MOGS: variants seen among roughly 807,000 people sequenced by gnomAD.
The protein encoded by MOGS is mannosyl-oligosaccharide glucosidase.
A neutral mutation model predicts 68.5 loss-of-function variants in MOGS; 45 were observed. The ratio of observed to expected loss-of-function variants is 0.66; its 90% CI spans 0.52 to 0.84. The LOEUF (loss-of-function observed/expected upper bound fraction) is 0.84, where lower values mean the gene tolerates loss of function less well. Among genes scored for constraint, MOGS ranks in the 40% least tolerant of loss-of-function variants. The probability of loss-of-function intolerance (pLI) is 0.00; values close to 1 mark genes in which losing one functional copy is unlikely to be tolerated. For synonymous variants in MOGS, 492 were observed against 461.2 expected (o/e 1.07, Z -0.86); for missense variants, 1,020 against 1,095.0 (o/e 0.93, Z 0.97).
chr2:74,462,600 C>A lies in MOGS; in HGVS notation c.1189G>T (p.Gly397Cys). The A allele has an allele frequency of 6.2e-7, 1 of 1,614,142 alleles. No individual in the cohort carries two copies. The highest frequency in any genetic ancestry group is 1.7e-5 in the Admixed American group (1 of 60,018). The change falls in exon 4 of 4, where the codon GGC becomes TGC. Residue 397 changes from glycine (G) to cysteine (C), a missense_variant. This residue lies in a region of MOGS where 569 missense variants were observed against 571.9 expected (regional missense o/e 0.99). Transcript: ENST00000448666. The part of the protein sequence containing the change: ...EQVLGQAALS[G>C]LLGGIGYFYG... ...AAGTAGCCAATTCCACCAAGGAGGC[C>A]GCTGAGGGCAGCCTGACCCAAAACC...
rs751547604 is a variant in MOGS at position 74,461,609 on chromosome 2, C to T, written c.2180G>A (p.Gly727Asp). ...GCTGGAGGCTGCAAGGGAGCGTAAA[C>T]CAAAGGGGCTCCAGAGATGGCGGCT... ...ADSRHLWSPF[G>D]LRSLAASSSF... is the part of the protein sequence containing the mutation. The change falls in exon 4 of 4, where the codon GGT (glycine) becomes GAT (aspartate). Residue 727 changes from glycine to aspartate, a missense_variant. Around this residue, in one of 3 missense-constraint regions of MOGS, gnomAD observed 270 missense variants for 261.3 expected, o/e 1.03. Transcript: ENST00000448666. 4 of 1,613,866 alleles carry T rather than the reference C, an allele frequency of 2.5e-6. No homozygotes were observed. Among genetic ancestry groups the T allele is most frequent in the Admixed American group, 1.7e-5 (1 of 59,992 alleles).
rs764778419 is a variant in MOGS at position 74,464,999 on chromosome 2, G to C, written c.249C>G (p.Ala83=). Residue 83 remains alanine (A), a synonymous_variant, in exon 1 of 4, where the codon GCC becomes GCG. Transcript: ENST00000448666. Reference sequence around the variant, plus strand: ...GGGCCACGGCGGGGCTGGAGGAGTCGGCAGGCAACACAGGAGGCGCGGAGT... The same window carrying C: ...GGGCCACGGCGGGGCTGGAGGAGTCCGCAGGCAACACAGGAGGCGCGGAGT... The part of the protein sequence containing the change: ...TLHSAPPVLP[A]DSSSPAVAPD... 129 of 1,557,538 alleles carry C rather than the reference G, an allele frequency of 8.3e-5. 3 individuals carry two copies. In the Admixed American group the frequency reaches 2.3e-3, roughly 28 times the overall value.
In MOGS at chr2:74,465,147, C is replaced by T. The variant is rs1672033021; in HGVS notation, c.101G>A (p.Gly34Asp). The change falls in exon 1 of 4, where the codon GGC (glycine) becomes GAC (aspartate). Residue 34 changes from glycine (G) to aspartate (D), a missense_variant. Gly to Asp is a moderately conservative substitution (Grantham distance 94, BLOSUM62 -1). Coordinates refer to ENST00000448666, the MANE Select transcript of MOGS (RefSeq NM_006302.3). Reference sequence around the variant, plus strand: ...TCCAGCCGTGCTACGCGGCCCGCCGCCCCGGCCGTCCCGTCGCCCGGGGCC... The same window carrying T: ...TCCAGCCGTGCTACGCGGCCCGCCGTCCCGGCCGTCCCGTCGCCCGGGGCC... ...RGGPGRRDGRGGGPRSTAGGV... is the reference protein window; with the variant it reads ...RGGPGRRDGRDGGPRSTAGGV... The T allele has an allele frequency of 1.3e-6, 2 of 1,530,942 alleles. No individual in the cohort carries two copies. Among genetic ancestry groups the T allele is most frequent in the Non-Finnish European group, 1.7e-6 (2 of 1,144,686 alleles). 94.8% of individuals were successfully genotyped at this position (1,530,942 alleles called of 1,614,324 possible).
rs1029892555 is a variant in MOGS, at chr2:74,464,621, C to G, written c.454G>C (p.Asp152His). The G allele has an allele frequency of 2.5e-6, 4 of 1,613,896 alleles. No individual in the cohort carries two copies. Among genetic ancestry groups the G allele is most frequent in the Non-Finnish European group, 3.4e-6 (4 of 1,180,030 alleles). ...TGTTGGCGCCCGAAGGAGAGGCCGT[C>G]GTGGAACTCCCAGCCATAGGGACCC... is the stretch of plus-strand genomic sequence containing the variant. ...GVGPYGWEFH[D>H]GLSFGRQHIQ... is the part of the protein sequence containing the mutation. Residue 152 changes from aspartate to histidine, a missense_variant, in exon 2 of 4, where the codon GAC becomes CAC. Coordinates refer to ENST00000448666, the MANE Select transcript of MOGS (RefSeq NM_006302.3).
chr2:74,464,827 T>C, intron 1 of MOGS, 69 bp downstream of exon 1: 1 of 1,563,508 alleles, frequency 6.4e-7, no homozygotes, highest in Non-Finnish European at 8.7e-7. Flanking sequence ...TTCCCACCCT[T>C]GCTCTCGCTT....
chr2:74,462,948 G>T lies in MOGS; in HGVS notation c.841C>A (p.Leu281Ile). The T allele has an allele frequency of 6.2e-7, 1 of 1,614,224 alleles. No homozygotes were observed. The highest frequency in any genetic ancestry group is 8.5e-7 in the Non-Finnish European group (1 of 1,180,044). ...PLLTEMVKSR[L>I]NSWFQHRPPG... ...GGCCGATGCTGAAACCAGCTATTTA[G>T]GCGACTCTTTACCATCTCTGTCAGC... Residue 281 changes from leucine to isoleucine, a missense_variant, in exon 4 of 4, where the codon CTA (leucine) becomes ATA (isoleucine). This residue lies in a region of MOGS where 569 missense variants were observed against 571.9 expected (regional missense o/e 0.99). Coordinates refer to ENST00000448666, the MANE Select transcript of MOGS (RefSeq NM_006302.3).
In MOGS at chr2:74,462,626, T is replaced by G; in HGVS notation, c.1163A>C (p.Gln388Pro). 1.9e-6 allele frequency: 3 copies of G among 1,614,186 alleles called. No homozygotes were observed. Among genetic ancestry groups the G allele is most frequent in the Non-Finnish European group, 2.5e-6 (3 of 1,180,034 alleles). Residue 388 changes from glutamine (Q) to proline (P), a missense_variant, in exon 4 of 4, where the codon CAG (glutamine) becomes CCG (proline). This residue lies in a region of MOGS where 569 missense variants were observed against 571.9 expected (regional missense o/e 0.99). Coordinates refer to ENST00000448666, the MANE Select transcript of MOGS (RefSeq NM_006302.3). ...GCTGAGGGCAGCCTGACCCAAAACC[T>G]GCTCGCCAGAGCTCAGGCCCTTCTC... ...LKEKGLSSGE[Q>P]VLGQAALSGL...
At position 74,461,151 on chromosome 2, in the gene MOGS, C is replaced by A. The variant is rs950719119; in HGVS notation, c.*124G>T. The A allele has an allele frequency of 1.1e-5, 12 of 1,076,382 alleles. No individual in the cohort carries two copies. The African/African-American group carries it at 1.9e-4, about 17-fold the overall frequency. 66.7% of individuals were successfully genotyped at this position (1,076,382 alleles called of 1,614,324 possible). A position where few individuals can be genotyped will look rare whatever the true frequency, so the allele number is the denominator to read the frequency against. On this transcript the variant is annotated 3_prime_UTR_variant, in exon 4 of 4. Transcript: ENST00000448666. The stretch of plus-strand genomic sequence containing the variant: ...ATGTGGGATGACAGCAAGGAGACAC[C>A]TGAGATGAAATGAGGAAGGTTTGAA...
intron 1 of MOGS, 37 bp downstream of exon 1, chr2:74,464,859 G>T: frequency 6.3e-7 from 1 of 1,590,814 alleles, no homozygotes; most frequent in Non-Finnish European, 8.6e-7. Context: ...GCCCAGATTA[G>T]GAGTCCGCCT....
Position 74,464,728 on chromosome 2 carries a change from G to T in MOGS, c.353-6C>A. The T allele has an allele frequency of 6.2e-7, 1 of 1,608,892 alleles. No homozygotes were observed. Among genetic ancestry groups the T allele is most frequent in the East Asian group, 2.2e-5 (1 of 44,752 alleles). On this transcript the variant is annotated splice_polypyrimidine_tract_variant and splice_region_variant and intron_variant, in intron 1 of 3. Transcript: ENST00000448666. ...CTGCTGCGCCCACATCAGTCCTGGG[G>T]GTAGAATGGCCACGTAAGTCAAAGA...
chr2:74,463,080 A>G, intron 3 of MOGS, 68 bp from the exon 4 acceptor site: 1 of 1,611,582 alleles, frequency 6.2e-7, no homozygotes, highest in Admixed American at 1.7e-5. Flanking sequence ...AAAGAGAAAT[A>G]CAAAGTGTTC....
intron 2 of MOGS, 163 bp from the exon 3 acceptor site, chr2:74,463,549 A>C: frequency 1.4e-6 from 1 of 722,334 alleles, no homozygotes; most frequent in South Asian, 1.6e-5. Flanking sequence ...AACCAGGTAC[A>C]CCCAAGCGGG....
Position 74,461,911 on chromosome 2 carries a change from C to T in MOGS, c.1878G>A (p.Glu626=), listed in dbSNP as rs763645903. The T allele has an allele frequency of 6.2e-7, 1 of 1,614,002 alleles. No individual in the cohort carries two copies. ...CCAGTGAGGCAGCCAGTGGGCCCAG[C>T]TCAGCAGCTACCTCAGCCTCACCCA... is the stretch of plus-strand genomic sequence containing the variant. ...EHLGEAEVAA[E]LGPLAASLEA... The change falls in exon 4 of 4, where the codon GAG becomes GAA. Residue 626 remains glutamate, a synonymous_variant. Transcript: ENST00000448666.
In MOGS at chr2:74,465,269, A is replaced by G; in HGVS notation, c.-22T>C. ...CCATCCTGGCACTGAGGTCCGCGTC[A>G]CAAGAGCTCGGAGAGGCGGCAGTGG... is the stretch of plus-strand genomic sequence containing the variant. On this transcript the variant is annotated 5_prime_UTR_variant, in exon 1 of 4. Transcript: ENST00000448666. 1 of 1,405,782 alleles carries G rather than the reference A, an allele frequency of 7.1e-7. No homozygotes were observed. Among genetic ancestry groups the G allele is most frequent in the Non-Finnish European group, 9.2e-7 (1 of 1,092,592 alleles). 87.1% of individuals were successfully genotyped at this position (1,405,782 alleles called of 1,614,324 possible). A position where few individuals can be genotyped will look rare whatever the true frequency, so the allele number is the denominator to read the frequency against.
In MOGS at chr2:74,462,905, T is replaced by A; in HGVS notation, c.884A>T (p.Glu295Val). Residue 295 changes from glutamate (E) to valine (V), a missense_variant, in exon 4 of 4, where the codon GAA becomes GTA. This residue lies in a region of MOGS where 569 missense variants were observed against 571.9 expected (regional missense o/e 0.99). Coordinates refer to ENST00000448666, the MANE Select transcript of MOGS (RefSeq NM_006302.3). ...FQHRPPGAPP[E>V]RYLGLPGSLK... ...GGATCCTGGCAAGCCGAGGTAGCGTTCAGGGGGGGCCCCTGGGGGCCGATG... is the reference window on the plus strand; with the variant it reads ...GGATCCTGGCAAGCCGAGGTAGCGTACAGGGGGGGCCCCTGGGGGCCGATG... The A allele has an allele frequency of 1.2e-6, 2 of 1,614,184 alleles. No individual in the cohort carries two copies. The highest frequency in any genetic ancestry group is 1.7e-6 in the Non-Finnish European group (2 of 1,180,038).
intron 2 of MOGS, 59 bp from the exon 3 acceptor site, chr2:74,463,445 C>G (rs1671986103): frequency 6.5e-7 from 1 of 1,546,956 alleles, no homozygotes; most frequent in Admixed American, 1.7e-5. Flanking sequence ...CTCTTGAATT[C>G]CCTCTTGAGA....
At position 74,462,976 on chromosome 2, in the gene MOGS, G is replaced by A; in HGVS notation, c.813C>T (p.Pro271=). Residue 271 remains proline, a synonymous_variant, in exon 4 of 4, where the codon CCC becomes CCT. Coordinates refer to ENST00000448666, the MANE Select transcript of MOGS (RefSeq NM_006302.3). ...NVFWTSNPGL[P]LLTEMVKSRL... Reference sequence around the variant, plus strand: ...GACTCTTTACCATCTCTGTCAGCAGGGGCAGTCCTGGGTTGGAGGTCCAGA... The same window carrying A: ...GACTCTTTACCATCTCTGTCAGCAGAGGCAGTCCTGGGTTGGAGGTCCAGA... The A allele has an allele frequency of 6.2e-7, 1 of 1,614,146 alleles. No individual in the cohort carries two copies. The highest frequency in any genetic ancestry group is 1.1e-5 in the South Asian group (1 of 91,086).
chr2:74,465,096 A>T lies in MOGS; in HGVS notation c.152T>A (p.Leu51Gln). The change falls in exon 1 of 4, where the codon CTG (leucine) becomes CAG (glutamine). Residue 51 changes from leucine to glutamine, a missense_variant. By Grantham distance (113) the Leu-to-Gln change is moderately radical. This residue lies in a region of MOGS where 569 missense variants were observed against 571.9 expected (regional missense o/e 0.99). Coordinates refer to ENST00000448666, the MANE Select transcript of MOGS (RefSeq NM_006302.3). ...AGGVALAVVV[L>Q]SLALGMSGRW... ...CCCCGACATACCCAGGGCCAAAGACAGGACCACGACGGCCAGAGCCACTCC... is the reference window on the plus strand; with the variant it reads ...CCCCGACATACCCAGGGCCAAAGACTGGACCACGACGGCCAGAGCCACTCC... The T allele has an allele frequency of 1.9e-6, 3 of 1,551,964 alleles. No individual in the cohort carries two copies. Among genetic ancestry groups the T allele is most frequent in the Non-Finnish European group, 2.6e-6 (3 of 1,151,172 alleles).
At position 74,462,468 on chromosome 2, in the gene MOGS, G is replaced by C. The variant is rs200100119; in HGVS notation, c.1321C>G (p.Arg441Gly). 1 of 1,611,238 alleles carries C rather than the reference G, an allele frequency of 6.2e-7. No homozygotes were observed. Among genetic ancestry groups the C allele is most frequent in the Non-Finnish European group, 8.5e-7 (1 of 1,178,090 alleles). ...AGGAAGCCTCGTGGGAAGAATGACC[G>C]GGAGGGCACTGCTGTAAAAAGAGGT... ...PVPLFTAVPS[R>G]SFFPRGFLWD... is the part of the protein sequence containing the mutation. The change falls in exon 4 of 4, where the codon CGG becomes GGG. Residue 441 changes from arginine (R) to glycine (G), a missense_variant. Physicochemically the swap from Arg to Gly is moderately radical, Grantham distance 125. Around this residue, in one of 3 missense-constraint regions of MOGS, gnomAD observed 181 missense variants for 261.8 expected, o/e 0.69. Coordinates refer to ENST00000448666, the MANE Select transcript of MOGS (RefSeq NM_006302.3).
Sources: gnomAD v4.1 joint callset for allele counts on GRCh38, gnomAD v4.1.1 for gene constraint, gnomAD v4.1.1 regional missense constraint, MANE v1.5 for transcripts, NCBI Gene and HGNC (gene_info 2026-07-23, HGNC 2026-07-21) for gene names.